Variants in SPAG16 observed in about 807,000 individuals in gnomAD.
SPAG16 encodes sperm associated antigen 16.
Under a neutral mutation model 80.4 loss-of-function variants are expected in SPAG16, and 86 were observed. The observed-to-expected ratio is 1.07, with a 90% CI of 0.90 to 1.28. The LOEUF is 1.28. Ranked by LOEUF, SPAG16 falls within the 50% of genes most tolerant of loss-of-function variation. The pLI, the probability that SPAG16 is intolerant of heterozygous loss-of-function variation, is 0.00. For missense variants in SPAG16, 870 were observed against 765.3 expected (o/e 1.14, Z -1.61); for synonymous variants, 294 against 265.9 (o/e 1.11, Z -1.03).
chr2:213,286,669 A>G (rs1406499566), intron 1 of SPAG16, among the ~76,000 whole-genome samples: 2 of 152,214 alleles, frequency 1.3e-5, no homozygotes, highest in South Asian at 2.1e-4. Flanking sequence ...CATATACTCA[A>G]TCACTTCTAA....
intron 10 of SPAG16, among the ~76,000 whole-genome samples, chr2:213,631,019 G>A (rs2062131562): frequency 6.6e-6 from 1 of 152,158 alleles, no homozygotes. Context: ...CTGGAGGAAA[G>A]ACCTAAACGA....
At chr2:213,879,062 T>C (rs1224065322) in intron 11 of SPAG16, among the ~76,000 whole-genome samples, 2 of 152,164 alleles carry the variant, frequency 1.3e-5, no homozygotes, top group African/African-American at 4.8e-5. Context: ...CTTTGTAGTA[T>C]AATTTGAGGT....
At chr2:213,510,069 G>T (rs984798101) in intron 10 of SPAG16, among the ~76,000 whole-genome samples, 2 of 152,156 alleles carry the variant, frequency 1.3e-5, no homozygotes, top group African/African-American at 4.8e-5. Context: ...AAATCTAGAA[G>T]AAATGGATAA....
intron 10 of SPAG16, among the ~76,000 whole-genome samples, chr2:213,491,590 G>A (rs1272769827): frequency 2.0e-5 from 3 of 152,222 alleles, no homozygotes; most frequent in Admixed American, 1.3e-4. Flanking sequence ...CTACTTGTGT[G>A]ATTAGAGAGC....
chr2:214,104,289 A>G (rs1304153452), intron 13 of SPAG16, among the ~76,000 whole-genome samples: 3 of 152,182 alleles, frequency 2.0e-5, no homozygotes, highest in South Asian at 2.1e-4. Context: ...GGGCCTTAAG[A>G]CACAGGCAGA....
chr2:214,297,719 C>G (rs1176870857), intron 15 of SPAG16, among the ~76,000 whole-genome samples: 2 of 151,360 alleles, frequency 1.3e-5, no homozygotes, highest in African/African-American at 4.8e-5. Context: ...GTATCAGAAC[C>G]ATGCAGTTTT....
intron 13 of SPAG16, among the ~76,000 whole-genome samples, chr2:214,063,445 C>T (rs970967881): frequency 2.0e-5 from 3 of 152,136 alleles, no homozygotes; most frequent in African/African-American, 7.2e-5. Context: ...TTTGGTGCAT[C>T]CTATGGAGAG....
chr2:214,174,422 C>T (rs2056996974), intron 15 of SPAG16, among the ~76,000 whole-genome samples: 1 of 151,978 alleles, frequency 6.6e-6, no homozygotes, highest in South Asian at 2.1e-4. Flanking sequence ...CACAAGCATT[C>T]TTATACACCA....
intron 10 of SPAG16, among the ~76,000 whole-genome samples, chr2:213,715,952 G>C (rs1437901645): frequency 6.6e-6 from 1 of 151,792 alleles, no homozygotes; most frequent in Non-Finnish European, 1.5e-5. Flanking sequence ...ACCACACAGT[G>C]CACTATTGTA....
intron 7 of SPAG16, among the ~76,000 whole-genome samples, chr2:213,358,976 T>C (rs1490339311): frequency 6.6e-6 from 1 of 152,220 alleles, no homozygotes; most frequent in Non-Finnish European, 1.5e-5. Flanking sequence ...GTTTATGCTA[T>C]TTCTGTTTGT....
intron 15 of SPAG16, among the ~76,000 whole-genome samples, chr2:214,247,376 G>A (rs1171383814): frequency 6.6e-6 from 1 of 152,016 alleles, no homozygotes; most frequent in Non-Finnish European, 1.5e-5. Flanking sequence ...TACTGGATTA[G>A]TGTGGATATC....
At chr2:214,313,618 A>C (rs1195680847) in intron 15 of SPAG16, among the ~76,000 whole-genome samples, 2 of 152,134 alleles carry the variant, frequency 1.3e-5, no homozygotes, top group African/African-American at 2.4e-5. Flanking sequence ...ACTAATTAAC[A>C]TTCACTAGTT....
intron 15 of SPAG16, among the ~76,000 whole-genome samples, chr2:214,216,695 G>A (rs1448100063): frequency 2.0e-5 from 3 of 152,152 alleles, no homozygotes; most frequent in African/African-American, 7.2e-5. Flanking sequence ...CAAATTTTGG[G>A]TAAAGACTAA....
At chr2:213,846,611 T>C (rs2074640728) in intron 10 of SPAG16, among the ~76,000 whole-genome samples, 1 of 152,122 alleles carries the variant, frequency 6.6e-6, no homozygotes, top group Admixed American at 6.5e-5. Flanking sequence ...GTTATTTTTA[T>C]AGGCAACATT....
At chr2:214,029,174 T>C (rs542598777) in intron 13 of SPAG16, among the ~76,000 whole-genome samples, 2 of 152,080 alleles carry the variant, frequency 1.3e-5, no homozygotes, top group South Asian at 4.1e-4. Context: ...GCCTTCCCAA[T>C]ATCTGGGGGA....
intron 15 of SPAG16, among the ~76,000 whole-genome samples, chr2:214,359,856 C>A (rs1267768036): frequency 6.6e-6 from 1 of 151,860 alleles, no homozygotes; most frequent in African/African-American, 2.4e-5. Context: ...TCTGCATAAT[C>A]TGCAGGAAAC....
chr2:213,379,095 T>C (rs6709277), intron 9 of SPAG16, among the ~76,000 whole-genome samples: 148,373 of 152,266 alleles, frequency 0.97, 72,399 homozygotes, highest in East Asian at 1. Context: ...GTTGTGTCTC[T>C]TGATGGCAGC....
At chr2:214,254,364 G>T (rs1339786578) in intron 15 of SPAG16, among the ~76,000 whole-genome samples, 1 of 151,938 alleles carries the variant, frequency 6.6e-6, no homozygotes, top group African/African-American at 2.4e-5. Flanking sequence ...GTCTTGTGCT[G>T]GTTTTCAAAG....
At chr2:213,862,772 T>A (rs2105952084) in intron 11 of SPAG16, 144 bp downstream of exon 11, 1 of 889,490 alleles carries the variant, frequency 1.1e-6, no homozygotes, top group East Asian at 2.7e-5. Flanking sequence ...TATAGACAAA[T>A]TCCCCTTTGG....
Sources: gnomAD v4.1 joint callset for allele counts (sites outside exome capture counted in the v4.1 genomes callset) on GRCh38, gnomAD v4.1.1 for gene constraint, MANE v1.5 for transcripts, NCBI Gene and HGNC (gene_info 2026-07-23, HGNC 2026-07-21) for gene names.